SERPINB12: variants seen among roughly 807,000 people sequenced by gnomAD.
SERPINB12 encodes the protein serpin B12.
A neutral mutation model predicts 41.1 loss-of-function variants in SERPINB12; 57 were observed. The observed-to-expected ratio is 1.39, with a 90% confidence interval of 1.12 to 1.73. The LOEUF is 1.73. SERPINB12 is among the 40% of genes most tolerant of loss of function. The pLI is 0.00. For missense variants in SERPINB12, 536 were observed against 501.9 expected (o/e 1.07, Z -0.65); for synonymous variants, 180 against 181.3 (o/e 0.99, Z 0.06).
At chr18:63,519,232 G>A in the SERPINB12 span, among the ~76,000 whole-genome samples, 763 of 152,276 alleles carry the variant, frequency 5.0e-3, 4 homozygotes, top group African/African-American at 0.017. Context: ...GGCTCTGTGA[G>A]CACCAGGTGT....
chr18:63,560,594 TA>T (rs1910870497), intron 4 of SERPINB12, among the ~76,000 whole-genome samples: 1 of 152,236 alleles, frequency 6.6e-6, no homozygotes, highest in Non-Finnish European at 1.5e-5. Flanking sequence ...ATATAAAATT[TA>T]CCATTTATGT....
Position 63,558,479 on chromosome 18 carries a change from A to T in SERPINB12, c.296A>T (p.Asp99Val). 6.2e-7 allele frequency: 1 copy of T among 1,610,614 alleles called. No individual in the cohort carries two copies. ...EGQKKTTEPL[D>V]QQAGSLNNES... ...CAGAAAAAAACGACAGAGCCTCTGGATCAGCAGGTGAACCGCCACCGTAGA... is the reference window on the plus strand; with the variant it reads ...CAGAAAAAAACGACAGAGCCTCTGGTTCAGCAGGTGAACCGCCACCGTAGA... Residue 99 changes from aspartate to valine, a missense_variant, in exon 3 of 8, where the codon GAT becomes GTT. Coordinates refer to ENST00000382768, the MANE Select transcript of SERPINB12 (RefSeq NM_001307928.2).
chr18:63,519,813 G>A, the SERPINB12 span, among the ~76,000 whole-genome samples: 13 of 152,076 alleles, frequency 8.5e-5, no homozygotes, highest in African/African-American at 3.1e-4. Context: ...CAGATTCCAC[G>A]GTCCCATCTC....
intron 6 of SERPINB12, among the ~76,000 whole-genome samples, chr18:63,564,857 G>A (rs1333216627): frequency 2.0e-5 from 3 of 152,252 alleles, no homozygotes; most frequent in South Asian, 2.1e-4. Flanking sequence ...TGCTTTGATA[G>A]TAAGTTTACT....
At chr18:63,537,062 G>A in the SERPINB12 span, among the ~76,000 whole-genome samples, 5 of 152,126 alleles carry the variant, frequency 3.3e-5, no homozygotes, top group Admixed American at 3.3e-4. Context: ...CTCTTTGGAA[G>A]TGGAACAACT....
At chr18:63,565,303 G>A (rs1368268422) in intron 6 of SERPINB12, 142 bp from the exon 7 acceptor site, 4 of 696,646 alleles carry the variant, frequency 5.7e-6, no homozygotes, top group Non-Finnish European at 7.2e-6. Context: ...GACTCTTGTA[G>A]GCTGGATCCC....
intron 1 of SERPINB12, among the ~76,000 whole-genome samples, chr18:63,554,884 C>T (rs1910625681): frequency 6.6e-6 from 1 of 152,104 alleles, no homozygotes; most frequent in African/African-American, 2.4e-5. Flanking sequence ...GGAAGTTTCC[C>T]CCATGCTGTT....
chr18:63,568,849 C>T lies in SERPINB12; in HGVS notation c.*1838C>T, dbSNP rs983415492. Among the ~76,000 whole-genome samples, 1 of 152,218 alleles carries T rather than the reference C, an allele frequency of 6.6e-6. No homozygotes were observed. Among genetic ancestry groups the T allele is most frequent in the Non-Finnish European group, 1.5e-5 (1 of 68,050 alleles). ...GACAAGTTCCATGTTCTCCATACAA[C>T]CTTCTCATTGTTGAAGCTCACTTAC... On this transcript the variant is annotated 3_prime_UTR_variant, in exon 8 of 8. Transcript: ENST00000382768.
intron 6 of SERPINB12, among the ~76,000 whole-genome samples, chr18:63,564,934 C>A (rs1911042554): frequency 6.6e-6 from 1 of 152,130 alleles, no homozygotes; most frequent in Non-Finnish European, 1.5e-5. Flanking sequence ...GGTGGCTTAC[C>A]CAGCATTTTT....
chr18:63,519,228 G>T, the SERPINB12 span, among the ~76,000 whole-genome samples: 24 of 152,308 alleles, frequency 1.6e-4, no homozygotes, highest in South Asian at 4.6e-3. Context: ...ATGTGGCTCT[G>T]TGAGCACCAG....
the SERPINB12 span, among the ~76,000 whole-genome samples, chr18:63,530,405 A>G: frequency 0.014 from 2,057 of 152,272 alleles, 50 homozygotes; most frequent in African/African-American, 0.047. Flanking sequence ...GGAATGCCAC[A>G]TGATGCCCAG....
intron 1 of SERPINB12, among the ~76,000 whole-genome samples, chr18:63,552,090 A>G (rs1403203293): frequency 6.6e-6 from 1 of 152,190 alleles, no homozygotes; most frequent in African/African-American, 2.4e-5. Context: ...AATAAGGATT[A>G]GGGAGGGGAA....
chr18:63,527,975 C>CG, the SERPINB12 span, among the ~76,000 whole-genome samples: 16 of 152,030 alleles, frequency 1.1e-4, no homozygotes, highest in African/African-American at 3.4e-4. Flanking sequence ...TGGTTTTATA[C>CG]GGGGGGAGTT....
chr18:63,540,491 T>C (rs1323306867), upstream of SERPINB12, among the ~76,000 whole-genome samples: 5 of 152,310 alleles, frequency 3.3e-5, no homozygotes, highest in East Asian at 9.6e-4. Flanking sequence ...ATACAATGCA[T>C]TCCAGCTTAA....
rs113592126 is a variant in SERPINB12 at position 63,561,717 on chromosome 18, G to T, written c.562+515G>T. On this transcript the variant is annotated intron_variant, in intron 5 of 7. Transcript: ENST00000382768. ...TGGAATACTACACAGCCATCAAAAA[G>T]AATGAAATCATGTCCTTTGCAGTAA... Among the ~76,000 whole-genome samples, 306 of 152,304 alleles carry T rather than the reference G, an allele frequency of 2.0e-3. 2 individuals are homozygous for T. The highest frequency in any genetic ancestry group is 4.0e-3 in the Non-Finnish European group (271 of 68,016).
chr18:63,538,924 G>A (rs1204088314), upstream of SERPINB12, among the ~76,000 whole-genome samples: 3 of 152,168 alleles, frequency 2.0e-5, no homozygotes, highest in African/African-American at 7.2e-5. Flanking sequence ...GTTTTATTTT[G>A]CATTTCCCTA....
chr18:63,554,858 G>A (rs1910624569), intron 1 of SERPINB12, among the ~76,000 whole-genome samples: 1 of 152,188 alleles, frequency 6.6e-6, no homozygotes, highest in Non-Finnish European at 1.5e-5. Context: ...CTGGTGGGAG[G>A]TGATTGGATC....
At chr18:63,563,768 C>T (rs2124290) in intron 5 of SERPINB12, among the ~76,000 whole-genome samples, 87,945 of 151,788 alleles carry the variant, frequency 0.58, 27,617 homozygotes, top group Middle Eastern at 0.72. Flanking sequence ...TGGTGGCGGG[C>T]GCCTGTAATC....
Position 63,549,515 on chromosome 18 carries a change from G to A in SERPINB12, c.-18-6627G>A, listed in dbSNP as rs370515263. 2.0e-4 allele frequency among the ~76,000 whole-genome samples: 31 copies of A among 152,138 alleles called. No individual in the cohort carries two copies. In the South Asian group the frequency reaches 6.3e-3, roughly 31 times the overall value. On this transcript the variant is annotated intron_variant, in intron 1 of 7. Coordinates refer to ENST00000382768, the MANE Select transcript of SERPINB12 (RefSeq NM_001307928.2). ...AGGTGACATTGTGGATAGTACATGG[G>A]AGCTATCATGTAAGTCACTCCCAAT... is the stretch of plus-strand genomic sequence containing the variant.
Sources: gnomAD v4.1 joint callset for allele counts (sites outside exome capture counted in the v4.1 genomes callset) on GRCh38, gnomAD v4.1.1 for gene constraint, MANE v1.5 for transcripts, NCBI Gene and HGNC (gene_info 2026-07-23, HGNC 2026-07-21) for gene names.